The following FAM168A variants were observed in gnomAD, a reference collection of about 807,000 sequenced individuals.
The protein encoded by FAM168A is family with sequence similarity 168 member A.
FAM168A carries 3 observed loss-of-function variants against 28.5 expected under a neutral mutation model. That is an observed-to-expected ratio of 0.11 (90% CI 0.05 to 0.27). FAM168A has a LOEUF of 0.27. FAM168A is among the 10% of genes least tolerant of loss of function. The pLI is 1.00. For missense variants in FAM168A, 222 were observed against 311.5 expected, an observed-to-expected ratio of 0.71 and a Z score of 2.16; for synonymous variants, 122 against 124.2, an observed-to-expected ratio of 0.98 and a Z score of 0.12.
At chr11:73,447,540 A>C (rs1270224109) in intron 2 of FAM168A, among the ~76,000 whole-genome samples, 2 of 145,358 alleles carry the variant, frequency 1.4e-5, no homozygotes, top group East Asian at 2.0e-4. Flanking sequence ...TGGGCAACAG[A>C]GTGTAAGACC....
intron 1 of FAM168A, among the ~76,000 whole-genome samples, chr11:73,570,641 T>C (rs1038515112): frequency 2.7e-5 from 4 of 149,984 alleles, no homozygotes; most frequent in African/African-American, 9.8e-5. Flanking sequence ...GGCTCAAGTG[T>C]AGAGATCACT....
chr11:73,577,567 A>G (rs1226326250), intron 1 of FAM168A, among the ~76,000 whole-genome samples: 2 of 152,222 alleles, frequency 1.3e-5, no homozygotes, highest in Admixed American at 6.5e-5. Context: ...CTATAACCTC[A>G]TCATACAATT....
rs577813455 is a variant in FAM168A, at chr11:73,515,365, C to T, written c.-18-46873G>A. Among the ~76,000 whole-genome samples the T allele has an allele frequency of 8.6e-5, 13 of 152,026 alleles. No homozygotes were observed. In the South Asian group the frequency reaches 2.3e-3, roughly 27 times the overall value. Reference sequence around the variant, plus strand: ...TCTCTGCCAAAAATACAAAATTAGTCGGGTGTGGTGGCAGATGCCTGTAAT... The same window carrying T: ...TCTCTGCCAAAAATACAAAATTAGTTGGGTGTGGTGGCAGATGCCTGTAAT... On this transcript the variant is annotated intron_variant, in intron 1 of 7. Coordinates refer to ENST00000356467, the MANE Select transcript of FAM168A (RefSeq NM_015159.3).
At chr11:73,572,668 T>C (rs1043685237) in intron 1 of FAM168A, among the ~76,000 whole-genome samples, 5 of 149,856 alleles carry the variant, frequency 3.3e-5, no homozygotes, top group Non-Finnish European at 5.9e-5. Flanking sequence ...AAACAGATGC[T>C]TGAAGGCAGC....
chr11:73,583,468 A>G (rs1944273430), intron 1 of FAM168A, among the ~76,000 whole-genome samples: 2 of 152,220 alleles, frequency 1.3e-5, no homozygotes, highest in Non-Finnish European at 2.9e-5. Context: ...GGCTCTGAGA[A>G]TAAAAGGATG....
intron 1 of FAM168A, among the ~76,000 whole-genome samples, chr11:73,593,190 G>C (rs920164430): frequency 6.6e-6 from 1 of 152,310 alleles, no homozygotes; most frequent in South Asian, 2.1e-4. Context: ...CTGAGGGAGA[G>C]AGAAGATGGG....
chr11:73,513,008 T>C (rs1452298776), intron 1 of FAM168A, among the ~76,000 whole-genome samples: 2 of 152,070 alleles, frequency 1.3e-5, no homozygotes, highest in Non-Finnish European at 2.9e-5. Context: ...TGTAAAGATA[T>C]TGCCCTAGGG....
At chr11:73,585,840 C>G (rs1005204187) in intron 1 of FAM168A, among the ~76,000 whole-genome samples, 1 of 149,414 alleles carries the variant, frequency 6.7e-6, no homozygotes, top group Admixed American at 6.7e-5. Flanking sequence ...TGCACTCCAC[C>G]CTGGGTGACA....
intron 1 of FAM168A, among the ~76,000 whole-genome samples, chr11:73,522,890 G>A (rs1269773617): frequency 6.6e-6 from 1 of 151,852 alleles, no homozygotes; most frequent in Admixed American, 6.6e-5. Context: ...GCGGGCATCT[G>A]TAATTCCAGT....
intron 1 of FAM168A, among the ~76,000 whole-genome samples, chr11:73,573,896 A>G (rs1484484077): frequency 6.6e-6 from 1 of 152,188 alleles, no homozygotes; most frequent in Non-Finnish European, 1.5e-5. Context: ...TCCACGCTGC[A>G]GTAAGCTATG....
At chr11:73,523,332 T>G (rs1030935877) in intron 1 of FAM168A, among the ~76,000 whole-genome samples, 2 of 152,146 alleles carry the variant, frequency 1.3e-5, no homozygotes, top group Non-Finnish European at 2.9e-5. Context: ...TTATTTTATT[T>G]TATTTATTTT....
intron 1 of FAM168A, among the ~76,000 whole-genome samples, chr11:73,526,278 A>G (rs1396990418): frequency 2.0e-5 from 3 of 152,234 alleles, no homozygotes; most frequent in Non-Finnish European, 2.9e-5. Flanking sequence ...TAGGGAGATA[A>G]AAATTAAAAC....
Position 73,401,188 on chromosome 11 carries a change from A to G in FAM168A, c.*5575T>C, listed in dbSNP as rs1016587078. Reference sequence around the variant, plus strand: ...AGATTCCAACCTGTAGATTAAAATGAATTAAAAAATACAAAATCATATACA... The same window carrying G: ...AGATTCCAACCTGTAGATTAAAATGGATTAAAAAATACAAAATCATATACA... On this transcript the variant is annotated 3_prime_UTR_variant, in exon 8 of 8. Coordinates refer to ENST00000356467, the MANE Select transcript of FAM168A (RefSeq NM_015159.3). 1 of 152,096 alleles carries G rather than the reference A, an allele frequency of 6.6e-6. No individual in the cohort carries two copies. Among genetic ancestry groups the G allele is most frequent in the African/African-American group, 2.4e-5 (1 of 41,418 alleles). 9.4% of individuals were successfully genotyped at this position (152,096 alleles called of 1,614,324 possible).
intron 1 of FAM168A, among the ~76,000 whole-genome samples, chr11:73,575,209 T>C (rs1944157483): frequency 6.6e-6 from 1 of 152,210 alleles, no homozygotes; most frequent in Non-Finnish European, 1.5e-5. Flanking sequence ...TAAAGAATTC[T>C]TAAAACAGGA....
chr11:73,571,518 G>A (rs1345735753), intron 1 of FAM168A, among the ~76,000 whole-genome samples: 1 of 152,072 alleles, frequency 6.6e-6, no homozygotes, highest in Non-Finnish European at 1.5e-5. Flanking sequence ...GAGGTGCCGG[G>A]ATTGCAGACG....
intron 1 of FAM168A, among the ~76,000 whole-genome samples, chr11:73,594,086 G>A (rs749826706): frequency 2.0e-5 from 3 of 152,022 alleles, no homozygotes; most frequent in Admixed American, 6.6e-5. Context: ...TGTTCCCCTT[G>A]ACAGCCTTGT....
chr11:73,457,738 A>G (rs1867565015), intron 2 of FAM168A, among the ~76,000 whole-genome samples: 2 of 138,180 alleles, frequency 1.4e-5, no homozygotes, highest in Non-Finnish European at 3.0e-5. Context: ...AAAAAAAAAA[A>G]AAAAAAAAAA....
intron 2 of FAM168A, among the ~76,000 whole-genome samples, chr11:73,465,964 GGAGA>G (rs3073508): frequency 1.4e-4 from 21 of 149,444 alleles, no homozygotes; most frequent in South Asian, 1.1e-3. Context: ...GCTTTAAAAG[GGAGA>G]GAGAGAGAGA....
At chr11:73,575,823 C>T (rs979473014) in intron 1 of FAM168A, among the ~76,000 whole-genome samples, 5 of 151,734 alleles carry the variant, frequency 3.3e-5, no homozygotes, top group African/African-American at 1.2e-4. Flanking sequence ...GAACCGAGAT[C>T]GTGCCACTGC....
Sources: gnomAD v4.1 joint callset for allele counts (sites outside exome capture counted in the v4.1 genomes callset) on GRCh38, gnomAD v4.1.1 for gene constraint, MANE v1.5 for transcripts, NCBI Gene and HGNC (gene_info 2026-07-23, HGNC 2026-07-21) for gene names.